Variants in METTL22 observed in about 807,000 individuals in gnomAD.
METTL22 encodes the protein methyltransferase 22, Kin17 lysine.
Under a neutral mutation model 48.4 loss-of-function variants are expected in METTL22, and 51 were observed. The ratio of observed to expected loss-of-function variants is 1.05; its 90% confidence interval spans 0.84 to 1.33. The LOEUF (loss-of-function observed/expected upper bound fraction) is 1.33. METTL22 is among the 40% of genes most tolerant of loss of function. The pLI, the probability that METTL22 is intolerant of heterozygous loss-of-function variation, is 0.00. For missense variants in METTL22, 678 were observed against 526.9 expected (o/e 1.29, Z -2.81); for synonymous variants, 255 against 214.1 (o/e 1.19, Z -1.67).
intron 7 of METTL22, 94 bp downstream of exon 7, chr16:8,641,278 G>A: frequency 8.0e-7 from 1 of 1,248,870 alleles, no homozygotes; most frequent in East Asian, 2.3e-5. Flanking sequence ...CAGAGCTGTA[G>A]TCCCAGCTGC....
the METTL22 span, among the ~76,000 whole-genome samples, chr16:8,663,965 C>A: frequency 6.6e-6 from 1 of 152,150 alleles, no homozygotes; most frequent in Non-Finnish European, 1.5e-5. Context: ...CTGTCTCCCA[C>A]CCCCGACCAC....
the METTL22 span, among the ~76,000 whole-genome samples, chr16:8,659,918 G>T: frequency 1.3e-5 from 2 of 151,928 alleles, no homozygotes; most frequent in African/African-American, 2.4e-5. Flanking sequence ...TAGAGACGGG[G>T]TCTCACTATG....
chr16:8,635,139 C>T, intron 4 of METTL22, 29 bp from the exon 5 acceptor site: 1 of 1,613,720 alleles, frequency 6.2e-7, no homozygotes, highest in Non-Finnish European at 8.5e-7. Context: ...CCTCACGCTG[C>T]TTGTCGCTCC....
the METTL22 span, among the ~76,000 whole-genome samples, chr16:8,658,279 G>A: frequency 2.6e-5 from 4 of 152,222 alleles, no homozygotes; most frequent in East Asian, 1.9e-4. Context: ...CTTTGGAGGC[G>A]TGAGTCCCTG....
intron 5 of METTL22, among the ~76,000 whole-genome samples, chr16:8,637,296 A>T (rs573222508): frequency 2.2e-4 from 33 of 152,218 alleles, no homozygotes; most frequent in Non-Finnish European, 4.6e-4. Context: ...CAGTGCAGCC[A>T]CGCTATTGGC....
At position 8,641,359 on chromosome 16, in the gene METTL22, C is replaced by T. The variant is rs751463645; in HGVS notation, c.826+175C>T. The T allele has an allele frequency of 1.9e-5, 13 of 698,458 alleles. No individual in the cohort carries two copies. The African/African-American group carries it at 1.9e-4, about 10-fold the overall frequency. The allele number at this position is 698,458 out of a possible 1,614,324, so 43.3% of individuals were successfully genotyped here. On this transcript the variant is annotated intron_variant, in intron 7 of 10. Transcript: ENST00000381920. ...TGAGCACCAGCTGTCATTCTCTGAGCGCCTGCTGCATGCTGGGCACCTCAC... is the reference window on the plus strand; with the variant it reads ...TGAGCACCAGCTGTCATTCTCTGAGTGCCTGCTGCATGCTGGGCACCTCAC...
At chr16:8,661,134 A>G in the METTL22 span, among the ~76,000 whole-genome samples, 3,024 of 152,178 alleles carry the variant, frequency 0.02, 233 homozygotes, top group East Asian at 0.17. Flanking sequence ...TCTCACCACA[A>G]GGTGGTGCCC....
At chr16:8,639,890 C>T (rs1017978139) in intron 6 of METTL22, among the ~76,000 whole-genome samples, 10 of 152,030 alleles carry the variant, frequency 6.6e-5, no homozygotes, top group African/African-American at 2.4e-4. Flanking sequence ...CAGCGCCCCC[C>T]ACCACCAACA....
intron 3 of METTL22, among the ~76,000 whole-genome samples, chr16:8,633,958 C>G (rs575064775): frequency 7.1e-4 from 108 of 152,366 alleles, no homozygotes; most frequent in African/African-American, 2.6e-3. Flanking sequence ...AGTGAAGGAA[C>G]TTTGCATCAG....
At position 8,640,107 on chromosome 16, in the gene METTL22, T is replaced by C. The variant is rs187702216; in HGVS notation, c.772+945T>C. 7.1e-3 allele frequency among the ~76,000 whole-genome samples: 1,078 copies of C among 152,326 alleles called. 13 individuals are homozygous for C. The highest frequency in any genetic ancestry group is 0.025 in the African/African-American group (1,029 of 41,568). ...TACCATCTGCTCGTGTGACTAGTTA[T>C]TGGTGTTTTCCATTCCCACCGGACT... On this transcript the variant is annotated intron_variant, in intron 6 of 10. Coordinates refer to ENST00000381920, the MANE Select transcript of METTL22 (RefSeq NM_024109.4).
downstream of METTL22, among the ~76,000 whole-genome samples, chr16:8,650,336 A>C (rs1032691333): frequency 1.2e-4 from 19 of 152,216 alleles, no homozygotes; most frequent in African/African-American, 4.6e-4. Context: ...TCTAAAGAAA[A>C]AAAAACCCAC....
chr16:8,650,371 G>C (rs2056877077), downstream of METTL22, among the ~76,000 whole-genome samples: 1 of 152,142 alleles, frequency 6.6e-6, no homozygotes, highest in Non-Finnish European at 1.5e-5. Context: ...AGCAAGCCAG[G>C]GTTTAAATCC....
Position 8,631,821 on chromosome 16 carries a change from A to T in METTL22, c.514+2711A>T, listed in dbSNP as rs2056273325. ...ATGATACCTTTGGGATTATTTAAAT[A>T]TAAACTCTGACTTTTCACAGGAGTG... is the stretch of plus-strand genomic sequence containing the variant. On this transcript the variant is annotated intron_variant, in intron 3 of 10. Coordinates refer to ENST00000381920, the MANE Select transcript of METTL22 (RefSeq NM_024109.4). 2.0e-5 allele frequency: 3 copies of T among 152,230 alleles called. No individual in the cohort carries two copies. In the South Asian group the frequency reaches 6.2e-4, roughly 32 times the overall value. The allele number at this position is 152,230 out of a possible 1,614,324, so 9.4% of individuals were successfully genotyped here.
At chr16:8,650,020 C>G (rs1006975979), downstream of METTL22, among the ~76,000 whole-genome samples, 38 of 152,250 alleles carry the variant, frequency 2.5e-4, no homozygotes, top group Non-Finnish European at 5.3e-4. Context: ...AACATGTCAT[C>G]CCTGGTTAAG....
intron 3 of METTL22, chr16:8,631,174 A>C (rs908889440): frequency 6.6e-6 from 1 of 152,174 alleles, no homozygotes; most frequent in African/African-American, 2.4e-5. Context: ...CATTTTTTTC[A>C]AGTTATAGAC....
the METTL22 span, among the ~76,000 whole-genome samples, chr16:8,663,738 C>A: frequency 3.3e-5 from 5 of 152,222 alleles, no homozygotes; most frequent in African/African-American, 1.2e-4. Context: ...TTAAAGCTTG[C>A]CCAAGGTCAG....
At chr16:8,664,745 G>A in the METTL22 span, among the ~76,000 whole-genome samples, 4 of 152,140 alleles carry the variant, frequency 2.6e-5, no homozygotes, top group African/African-American at 4.8e-5. Context: ...ACAGGCATGA[G>A]CCACCACGTC....
intron 3 of METTL22, among the ~76,000 whole-genome samples, chr16:8,629,662 A>G (rs1474520566): frequency 1.3e-5 from 2 of 152,074 alleles, no homozygotes; most frequent in African/African-American, 4.8e-5. Context: ...GTGGCGGGAA[A>G]AGTGGGACAG....
intron 2 of METTL22, among the ~76,000 whole-genome samples, chr16:8,627,756 C>T (rs1186331634): frequency 6.6e-6 from 1 of 152,104 alleles, no homozygotes; most frequent in Admixed American, 6.6e-5. Flanking sequence ...AAAATAGATA[C>T]ATTTTATGAG....
Sources: allele counts gnomAD v4.1 joint callset (sites outside exome capture counted in the v4.1 genomes callset), GRCh38; gene constraint gnomAD v4.1.1; transcripts MANE v1.5; gene names NCBI Gene and HGNC (gene_info 2026-07-23, HGNC 2026-07-21).